The following HECW1 variants were observed in gnomAD, a reference collection of about 807,000 sequenced individuals.
The protein encoded by HECW1 is HECT, C2 and WW domain containing E3 ubiquitin protein ligase 1, also known as E3 ubiquitin-protein ligase HECW1.
Under a neutral mutation model 182.3 loss-of-function variants are expected in HECW1, and 61 were observed. The observed-to-expected ratio is 0.33, with a 90% CI of 0.27 to 0.41. The LOEUF is 0.41. HECW1 is among the 10% of genes least tolerant of loss of function. The probability of loss-of-function intolerance (pLI) is 1.00; values close to 1 mark genes in which losing one functional copy is unlikely to be tolerated. For missense variants in HECW1, 1,739 were observed against 2,108.9 expected (o/e 0.82, Z 3.44); for synonymous variants, 859 against 832.6 (o/e 1.03, Z -0.55).
At chr7:43,405,589 G>A (rs1005123253) in intron 7 of HECW1, among the ~76,000 whole-genome samples, 2 of 152,148 alleles carry the variant, frequency 1.3e-5, no homozygotes, top group African/African-American at 4.8e-5. Flanking sequence ...TAGATGGCTG[G>A]TTGGGGGACA....
chr7:43,149,974 A>G (rs1315891350), intron 2 of HECW1, among the ~76,000 whole-genome samples: 1 of 152,142 alleles, frequency 6.6e-6, no homozygotes, highest in African/African-American at 2.4e-5. Flanking sequence ...ATGCAATTCT[A>G]TTTCATAGAA....
At chr7:43,479,580 C>G (rs761765961) in intron 16 of HECW1, 30 bp from the exon 17 acceptor site, 1 of 1,613,410 alleles carries the variant, frequency 6.2e-7, no homozygotes, top group Non-Finnish European at 8.5e-7. Context: ...TCACACCACA[C>G]GGTGCTTTTT....
At chr7:43,474,875 G>A (rs971655852) in intron 16 of HECW1, among the ~76,000 whole-genome samples, 5 of 152,186 alleles carry the variant, frequency 3.3e-5, no homozygotes, top group African/African-American at 9.7e-5. Context: ...AGTGAAATAA[G>A]CAAGACACAG....
At chr7:43,179,957 T>C (rs1385934443) in intron 2 of HECW1, among the ~76,000 whole-genome samples, 1 of 152,210 alleles carries the variant, frequency 6.6e-6, no homozygotes, top group Non-Finnish European at 1.5e-5. Context: ...CAGGAACCTT[T>C]GCTTTATCTG....
chr7:43,164,463 T>G (rs1431627084), intron 2 of HECW1, among the ~76,000 whole-genome samples: 4 of 152,164 alleles, frequency 2.6e-5, no homozygotes, highest in Non-Finnish European at 5.9e-5. Flanking sequence ...CACCAGGGTG[T>G]CCTCTGGATC....
At chr7:43,326,753 G>A (rs1810842992) in intron 5 of HECW1, among the ~76,000 whole-genome samples, 1 of 152,244 alleles carries the variant, frequency 6.6e-6, no homozygotes, top group South Asian at 2.1e-4. Flanking sequence ...TTTTCTGTGG[G>A]GAAACCCTCT....
chr7:43,564,548 TA>T lies in HECW1; in HGVS notation c.*2624del. ...AGCTATAGATCTATCCCACAAAGCA[TA>T]ACAGGAACATTCTTTCACAAAAGTG... is the stretch of plus-strand genomic sequence containing the variant. On this transcript the variant is annotated 3_prime_UTR_variant, in exon 30 of 30. Coordinates refer to ENST00000395891, the MANE Select transcript of HECW1 (RefSeq NM_015052.5). 1 of 187,856 alleles carries T rather than the reference TA, an allele frequency of 5.3e-6. No individual in the cohort carries two copies. Among genetic ancestry groups the T allele is most frequent in the Non-Finnish European group, 1.1e-5 (1 of 88,928 alleles). The allele number at this position is 187,856 out of a possible 1,614,324, so 11.6% of individuals were successfully genotyped here. A position where few individuals can be genotyped will look rare whatever the true frequency, so the allele number is the denominator to read the frequency against.
At chr7:43,175,287 C>G (rs146133559) in intron 2 of HECW1, among the ~76,000 whole-genome samples, 2 of 152,306 alleles carry the variant, frequency 1.3e-5, no homozygotes, top group East Asian at 1.9e-4. Context: ...AGAATCCACT[C>G]TCAGCAATTT....
chr7:43,240,286 C>T (rs1454241096), intron 2 of HECW1, among the ~76,000 whole-genome samples: 1 of 151,784 alleles, frequency 6.6e-6, no homozygotes, highest in African/African-American at 2.4e-5. Context: ...TGCAGTGAGC[C>T]GAGATCTGGC....
intron 8 of HECW1, among the ~76,000 whole-genome samples, chr7:43,425,304 TGATAGATA>T (rs60651990): frequency 0.03 from 4,514 of 148,334 alleles, 187 homozygotes; most frequent in African/African-American, 0.097. Flanking sequence ...GATAGATAGA[TGATAGATA>T]GATAGATAGA....
intron 28 of HECW1, among the ~76,000 whole-genome samples, chr7:43,553,566 G>A (rs912801480): frequency 5.3e-5 from 8 of 151,742 alleles, no homozygotes; most frequent in African/African-American, 1.9e-4. Flanking sequence ...CTACTCAAAA[G>A]GCTGAGATAG....
chr7:43,138,979 G>C (rs1028409113), intron 2 of HECW1, among the ~76,000 whole-genome samples: 9 of 152,040 alleles, frequency 5.9e-5, no homozygotes, highest in Admixed American at 5.2e-4. Flanking sequence ...AGACAGACTG[G>C]TTTTTTTGTT....
intron 3 of HECW1, among the ~76,000 whole-genome samples, chr7:43,268,959 T>G (rs1178988592): frequency 6.6e-6 from 1 of 152,108 alleles, no homozygotes; most frequent in Non-Finnish European, 1.5e-5. Flanking sequence ...ATTTTCTATT[T>G]TTTGTAGAGA....
intron 2 of HECW1, among the ~76,000 whole-genome samples, chr7:43,213,872 T>C (rs1796220414): frequency 6.6e-6 from 1 of 152,144 alleles, no homozygotes; most frequent in African/African-American, 2.4e-5. Flanking sequence ...TGTTGGGGAC[T>C]TAGAATGGGA....
chr7:43,261,879 A>G (rs1939447147), intron 3 of HECW1, among the ~76,000 whole-genome samples: 1 of 150,484 alleles, frequency 6.6e-6, no homozygotes, highest in Non-Finnish European at 1.5e-5. Flanking sequence ...ATTTTTTTTA[A>G]TTTTTCAGTG....
intron 15 of HECW1, among the ~76,000 whole-genome samples, chr7:43,467,397 G>C (rs955432146): frequency 2.0e-5 from 3 of 152,164 alleles, no homozygotes; most frequent in African/African-American, 4.8e-5. Flanking sequence ...AGGCCTGGGG[G>C]ATAAGTCCAG....
Position 43,460,016 on chromosome 7 carries a change from C to T in HECW1, c.2651+3569C>T, listed in dbSNP as rs113223615. On this transcript the variant is annotated intron_variant, in intron 13 of 29. Transcript: ENST00000395891. ...ACATGTAATTGCTTGTATAGTATTC[C>T]ACTGAATGGCTGAAGTTTAGTTAAC... Among the ~76,000 whole-genome samples the T allele has an allele frequency of 7.1e-3, 1,074 of 152,272 alleles. 10 individuals carry two copies. The highest frequency in any genetic ancestry group is 0.025 in the African/African-American group (1,019 of 41,542).
At chr7:43,309,967 G>A (rs1430827757) in intron 3 of HECW1, among the ~76,000 whole-genome samples, 8 of 152,142 alleles carry the variant, frequency 5.3e-5, no homozygotes, top group Non-Finnish European at 1.5e-5. Context: ...ATTAAATTCT[G>A]ACAACAGCCC....
intron 2 of HECW1, among the ~76,000 whole-genome samples, chr7:43,176,293 CAGA>C (rs1792240867): frequency 6.6e-6 from 1 of 152,134 alleles, no homozygotes; most frequent in Non-Finnish European, 1.5e-5. Flanking sequence ...AGGCTTCAGT[CAGA>C]AGGAGTATAC....
Sources: allele counts gnomAD v4.1 joint callset (sites outside exome capture counted in the v4.1 genomes callset), GRCh38; gene constraint gnomAD v4.1.1; transcripts MANE v1.5; gene names NCBI Gene and HGNC (gene_info 2026-07-23, HGNC 2026-07-21).